The following FHOD3 variants were observed in gnomAD, a reference collection of about 807,000 sequenced individuals.
FHOD3 encodes the protein FH1/FH2 domain-containing protein 3.
In FHOD3, 90 loss-of-function variants were observed where a neutral mutation model predicts 173.0. The ratio of observed to expected loss-of-function variants is 0.52; its 90% CI spans 0.44 to 0.62. The LOEUF is 0.62. FHOD3 is among the 20% of genes least tolerant of loss of function. The probability of loss-of-function intolerance (pLI) is 0.00; values close to 1 mark genes in which losing one functional copy is unlikely to be tolerated. For missense variants in FHOD3, 1,945 were observed against 2,034.7 expected, an observed-to-expected ratio of 0.96 and a Z score of 0.85; for synonymous variants, 828 against 823.0, an observed-to-expected ratio of 1.01 and a Z score of -0.10.
intron 17 of FHOD3, among the ~76,000 whole-genome samples, chr18:36,703,214 GC>G (rs1315785905): frequency 6.6e-6 from 1 of 152,208 alleles, no homozygotes; most frequent in Non-Finnish European, 1.5e-5. Flanking sequence ...AGAAACAGTG[GC>G]CTGACAACCT....
In FHOD3 at chr18:36,740,798, AC is replaced by A; in HGVS notation, c.3721del (p.Leu1241SerfsTer15). ...ATCAGCGAGCTCTCTGCACGACTTC[AC>A]CTCTGGGCATTCAAAATGGATTATG... is the stretch of plus-strand genomic sequence containing the variant. ...SSISELSARL[H>X]LWAFKMDYET... On this transcript the variant is annotated frameshift_variant, in exon 21 of 29. Transcript: ENST00000590592. LOFTEE classifies it high-confidence loss of function. 1 of 1,613,100 alleles carries A rather than the reference AC, an allele frequency of 6.2e-7. No individual in the cohort carries two copies. Among genetic ancestry groups the A allele is most frequent in the Non-Finnish European group, 8.5e-7 (1 of 1,179,796 alleles).
chr18:36,585,967 GTTC>G (rs1181757518), intron 6 of FHOD3, among the ~76,000 whole-genome samples: 5 of 152,130 alleles, frequency 3.3e-5, no homozygotes, highest in African/African-American at 1.2e-4. Context: ...AGCCTGCAGG[GTTC>G]TGCCACTCTC....
intron 3 of FHOD3, among the ~76,000 whole-genome samples, chr18:36,471,161 TC>T (rs999617138): frequency 1.3e-5 from 2 of 152,128 alleles, no homozygotes; most frequent in Non-Finnish European, 1.5e-5. Flanking sequence ...ATGAGGATGC[TC>T]CTCCTGGTAC....
intron 27 of FHOD3, among the ~76,000 whole-genome samples, chr18:36,769,055 C>T (rs2043262031): frequency 6.6e-6 from 1 of 152,182 alleles, no homozygotes; most frequent in African/African-American, 2.4e-5. Context: ...TGCTCAGAGC[C>T]TGCAGGGTAG....
Position 36,596,385 on chromosome 18 carries a change from G to A in FHOD3, c.718+1487G>A, listed in dbSNP as rs369930644. Among the ~76,000 whole-genome samples, 9 of 126,830 alleles carry A rather than the reference G, an allele frequency of 7.1e-5. No individual in the cohort carries two copies. In the East Asian group the frequency reaches 1.1e-3, roughly 16 times the overall value. 83.2% of individuals were successfully genotyped at this position (126,830 alleles called of 152,430 possible). On this transcript the variant is annotated intron_variant, in intron 7 of 28. Transcript: ENST00000590592. ...TTTTTAGTAGAGACAGGGTATCACC[G>A]TGTTAGCCAGCACGGTCTCAGTCTC...
At chr18:36,590,101 G>A (rs1252371889) in intron 6 of FHOD3, among the ~76,000 whole-genome samples, 1 of 152,278 alleles carries the variant, frequency 6.6e-6, no homozygotes, top group East Asian at 1.9e-4. Context: ...CACTGGGCCT[G>A]CCTCTCCTTC....
chr18:36,513,210 G>C (rs2055762536), intron 5 of FHOD3, among the ~76,000 whole-genome samples: 1 of 150,158 alleles, frequency 6.7e-6, no homozygotes, highest in Admixed American at 6.6e-5. Context: ...TAACAAACCT[G>C]TGCATAGGCA....
At chr18:36,516,646 A>G (rs1259140574) in intron 5 of FHOD3, among the ~76,000 whole-genome samples, 1 of 152,232 alleles carries the variant, frequency 6.6e-6, no homozygotes, top group Non-Finnish European at 1.5e-5. Flanking sequence ...TTGGAGGCTG[A>G]GGCCGGAGGA....
At chr18:36,752,432 T>A (rs2042442538) in intron 24 of FHOD3, among the ~76,000 whole-genome samples, 1 of 152,166 alleles carries the variant, frequency 6.6e-6, no homozygotes, top group Admixed American at 6.5e-5. Context: ...AGTCAGATGA[T>A]GGAACAAATC....
chr18:36,609,662 T>G (rs969194270), intron 8 of FHOD3, among the ~76,000 whole-genome samples: 2 of 145,882 alleles, frequency 1.4e-5, no homozygotes, highest in African/African-American at 5.1e-5. Flanking sequence ...CAGGCTGGAG[T>G]GCAGTGACAT....
intron 5 of FHOD3, among the ~76,000 whole-genome samples, chr18:36,558,113 T>G (rs1334628090): frequency 1.3e-5 from 2 of 152,192 alleles, no homozygotes; most frequent in African/African-American, 4.8e-5. Flanking sequence ...TGATTAATAC[T>G]CTGTTGACTA....
intron 1 of FHOD3, among the ~76,000 whole-genome samples, chr18:36,312,779 G>A (rs1254860584): frequency 6.6e-6 from 1 of 152,166 alleles, no homozygotes; most frequent in Non-Finnish European, 1.5e-5. Context: ...GAAAATGTGG[G>A]TGCCTATATT....
At chr18:36,725,347 T>G (rs1376748752) in intron 19 of FHOD3, among the ~76,000 whole-genome samples, 1 of 152,224 alleles carries the variant, frequency 6.6e-6, no homozygotes, top group Non-Finnish European at 1.5e-5. Context: ...CATGGAAATG[T>G]TCCCACTTGA....
At chr18:36,712,475 A>C (rs1369649587) in intron 18 of FHOD3, among the ~76,000 whole-genome samples, 7 of 152,224 alleles carry the variant, frequency 4.6e-5, no homozygotes, top group Non-Finnish European at 7.3e-5. Flanking sequence ...CAACAAAAAA[A>C]AAAAATACTT....
chr18:36,715,350 G>A lies in FHOD3; in HGVS notation c.2534-2482G>A, dbSNP rs146290233. 9.8e-3 allele frequency among the ~76,000 whole-genome samples: 1,492 copies of A among 152,288 alleles called. 23 individuals carry two copies. The highest frequency in any genetic ancestry group is 0.033 in the African/African-American group (1,390 of 41,550). On this transcript the variant is annotated intron_variant, in intron 18 of 28. Transcript: ENST00000590592. The stretch of plus-strand genomic sequence containing the variant: ...CTCTCTCCTGCCACCACGTAAAGGA[G>A]GACATGTTTTCTTCCCCTTCTGCCG...
intron 5 of FHOD3, among the ~76,000 whole-genome samples, chr18:36,532,182 T>C (rs2056811005): frequency 6.6e-6 from 1 of 152,212 alleles, no homozygotes; most frequent in African/African-American, 2.4e-5. Flanking sequence ...ATTTGGAACA[T>C]CAGCAAGGCT....
intron 4 of FHOD3, among the ~76,000 whole-genome samples, chr18:36,510,054 C>T (rs751452349): frequency 7.9e-5 from 12 of 152,138 alleles, no homozygotes; most frequent in Non-Finnish European, 1.3e-4. Flanking sequence ...CGTGGGTCGG[C>T]GTCTCCATCA....
chr18:36,695,761 A>G (rs2039247929), intron 17 of FHOD3, among the ~76,000 whole-genome samples: 1 of 152,222 alleles, frequency 6.6e-6, no homozygotes, highest in Non-Finnish European at 1.5e-5. Flanking sequence ...TTATGACAGA[A>G]ATGCAAAGTT....
intron 5 of FHOD3, among the ~76,000 whole-genome samples, chr18:36,539,416 C>T (rs1397702444): frequency 6.6e-6 from 1 of 152,178 alleles, no homozygotes. Flanking sequence ...ATGCCAAAAC[C>T]AAGGCCATTG....
Sources: gnomAD v4.1 joint callset for allele counts (sites outside exome capture counted in the v4.1 genomes callset) on GRCh38, gnomAD v4.1.1 for gene constraint, MANE v1.5 for transcripts, NCBI Gene and HGNC (gene_info 2026-07-23, HGNC 2026-07-21) for gene names.